CIMIP2A: variants seen among roughly 807,000 people sequenced by gnomAD.
CIMIP2A encodes the protein family with sequence similarity 166 member A.
the CIMIP2A span, chr9:137,244,267 A>T: frequency 1.9e-6 from 3 of 1,613,666 alleles, no homozygotes; most frequent in African/African-American, 2.7e-5. Flanking sequence ...CCCAGGTCAC[A>T]GTGGGGGTTT....
chr9:137,244,603 GT>G, the CIMIP2A span: 1 of 1,608,978 alleles, frequency 6.2e-7, no homozygotes, highest in Non-Finnish European at 8.5e-7. Flanking sequence ...GGAAGTGTGT[GT>G]GTGAGCTGGG....
chr9:137,246,487 G>A, the CIMIP2A span, among the ~76,000 whole-genome samples: 12 of 152,262 alleles, frequency 7.9e-5, no homozygotes, highest in African/African-American at 2.9e-4. Context: ...CAAAGGGCCG[G>A]GCGCGGTGGC....
the CIMIP2A span, chr9:137,244,032 A>G: frequency 1.0e-6 from 1 of 977,944 alleles, no homozygotes; most frequent in Non-Finnish European, 1.5e-6. Context: ...GATGGCAGAC[A>G]ATCCTACCCC....
At chr9:137,245,299 C>T in the CIMIP2A span, 2 of 1,582,142 alleles carry the variant, frequency 1.3e-6, no homozygotes, top group African/African-American at 2.7e-5. Flanking sequence ...GGTGCATCCC[C>T]TGGCTGCCTG....
At chr9:137,253,009 T>C in the CIMIP2A span, 2 of 1,515,792 alleles carry the variant, frequency 1.3e-6, no homozygotes, top group Non-Finnish European at 1.8e-6. Flanking sequence ...GGGGCATGGG[T>C]GGGCAATGTG....
At chr9:137,251,147 C>T in the CIMIP2A span, 1 of 697,568 alleles carries the variant, frequency 1.4e-6, no homozygotes, top group South Asian at 1.5e-5. Flanking sequence ...GGGGGAGGGG[C>T]CCACCAGGGG....
the CIMIP2A span, chr9:137,252,661 G>A: frequency 7.1e-6 from 11 of 1,541,462 alleles, no homozygotes; most frequent in Non-Finnish European, 9.6e-6. Flanking sequence ...CCCCCTCGCA[G>A]TGGCCCTCGC....
At chr9:137,245,482 C>T in the CIMIP2A span, 3 of 1,613,826 alleles carry the variant, frequency 1.9e-6, no homozygotes, top group Middle Eastern at 1.7e-4. Flanking sequence ...GTTCTCTACC[C>T]CTGGCGGCTC....
At chr9:137,244,613 G>A in the CIMIP2A span, 2 of 1,611,516 alleles carry the variant, frequency 1.2e-6, no homozygotes, top group Non-Finnish European at 1.7e-6. Context: ...GTGTGAGCTG[G>A]GAGCAGGCCC....
the CIMIP2A span, chr9:137,245,752 C>T: frequency 6.3e-7 from 1 of 1,587,196 alleles, no homozygotes; most frequent in Non-Finnish European, 8.6e-7. Flanking sequence ...CAGCACAGAG[C>T]AGGGGCTCTT....
chr9:137,243,650 G>GT, the CIMIP2A span: 3 of 1,614,050 alleles, frequency 1.9e-6, no homozygotes, highest in Non-Finnish European at 2.5e-6. Flanking sequence ...TGCACTTGCT[G>GT]TTTTCCCTGT....
the CIMIP2A span, chr9:137,252,890 A>C: frequency 6.3e-7 from 1 of 1,595,184 alleles, no homozygotes; most frequent in Non-Finnish European, 8.5e-7. Flanking sequence ...CCTTCCTGGG[A>C]GCCGCCTGCA....
chr9:137,243,812 G>C, the CIMIP2A span: 1 of 1,612,678 alleles, frequency 6.2e-7, no homozygotes, highest in Non-Finnish European at 8.5e-7. Context: ...GGCTGCAGCT[G>C]AGCTGGGCTT....
chr9:137,252,625 C>G, the CIMIP2A span: 2 of 1,503,714 alleles, frequency 1.3e-6, no homozygotes, highest in East Asian at 5.0e-5. Flanking sequence ...CCGTGGGGAG[C>G]ACCCTGCCCT....
chr9:137,253,263 C>A, the CIMIP2A span: 2 of 1,597,490 alleles, frequency 1.3e-6, no homozygotes, highest in African/African-American at 2.7e-5. Flanking sequence ...TGGGCACAAC[C>A]TGCTTGGCCC....
At chr9:137,245,991 T>G in the CIMIP2A span, 1 of 596,338 alleles carries the variant, frequency 1.7e-6, no homozygotes, top group Non-Finnish European at 2.7e-6. Context: ...GCCTGCCCTC[T>G]GCTCACCTGT....
chr9:137,249,872 C>T, the CIMIP2A span, among the ~76,000 whole-genome samples: 1 of 152,186 alleles, frequency 6.6e-6, no homozygotes, highest in Non-Finnish European at 1.5e-5. Context: ...ATGAGTGGCT[C>T]CAGCAAATTA....
chr9:137,254,634 T>C, the CIMIP2A span, among the ~76,000 whole-genome samples: 1 of 152,180 alleles, frequency 6.6e-6, no homozygotes, highest in Non-Finnish European at 1.5e-5. Flanking sequence ...AGAGGGTGTG[T>C]GTAGGGGGCT....
chr9:137,251,205 A>C, the CIMIP2A span: 1 of 1,000,212 alleles, frequency 1.0e-6, no homozygotes, highest in Non-Finnish European at 1.6e-6. Context: ...TGTCTTCCTC[A>C]GGAGTCCCAG....
Sources: allele counts gnomAD v4.1 joint callset (sites outside exome capture counted in the v4.1 genomes callset), GRCh38; gene constraint gnomAD v4.1.1; transcripts MANE v1.5; gene names NCBI Gene and HGNC (gene_info 2026-07-23, HGNC 2026-07-21).